The following EYA1 variants were observed in gnomAD, a reference collection of about 807,000 sequenced individuals.
The protein encoded by EYA1 is protein phosphatase EYA1.
EYA1 carries 16 observed loss-of-function variants against 82.0 expected under a neutral mutation model. That is an observed-to-expected ratio of 0.20 (90% CI 0.13 to 0.30). EYA1 has a LOEUF of 0.30. EYA1 is among the 10% of genes least tolerant of loss of function. EYA1 has a pLI of 1.00. For missense variants in EYA1, 633 were observed against 730.7 expected (o/e 0.87, Z 1.54); for synonymous variants, 261 against 264.4 (o/e 0.99, Z 0.12).
chr8:71,484,897 C>T (rs556637488), intron 2 of EYA1, among the ~76,000 whole-genome samples: 1 of 152,308 alleles, frequency 6.6e-6, no homozygotes, highest in East Asian at 1.9e-4. Flanking sequence ...GGGTAGGGAA[C>T]AGCTGCTGTT....
At chr8:71,377,273 C>A (rs1332358655) in intron 2 of EYA1, among the ~76,000 whole-genome samples, 1 of 152,094 alleles carries the variant, frequency 6.6e-6, no homozygotes, top group Admixed American at 6.5e-5. Flanking sequence ...ACCAGCCATC[C>A]CACCAAGGTA....
At position 71,357,185 on chromosome 8, in the gene EYA1, T is replaced by C. The variant is rs189263850; in HGVS notation, c.-54-674A>G. On this transcript the variant is annotated intron_variant, in intron 1 of 17. Coordinates refer to ENST00000340726, the MANE Select transcript of EYA1 (RefSeq NM_000503.6). ...CCTCGCCAATTTAAAATTCAATGGG[T>C]TCTTATCAGTTCTGCCTGGTAAACC... Among the ~76,000 whole-genome samples the C allele has an allele frequency of 2.1e-3, 322 of 152,322 alleles. 3 individuals carry two copies. The highest frequency in any genetic ancestry group is 6.2e-4 in the Non-Finnish European group (42 of 68,032).
chr8:71,435,145 A>C (rs1805910591), intron 2 of EYA1, among the ~76,000 whole-genome samples: 1 of 152,106 alleles, frequency 6.6e-6, no homozygotes, highest in Admixed American at 6.6e-5. Flanking sequence ...AAACCTTCTT[A>C]GATTTCTCCA....
At chr8:71,202,474 A>G (rs970053298) in intron 17 of EYA1, among the ~76,000 whole-genome samples, 7 of 152,204 alleles carry the variant, frequency 4.6e-5, no homozygotes, top group South Asian at 2.1e-4. Flanking sequence ...TACTGGCACT[A>G]AAATACGAAT....
chr8:71,462,100 C>T (rs1055849126), intron 2 of EYA1, among the ~76,000 whole-genome samples: 1 of 152,218 alleles, frequency 6.6e-6, no homozygotes, highest in Non-Finnish European at 1.5e-5. Context: ...CCTTCAGGCC[C>T]TCCCTGGCCT....
Position 71,199,263 on chromosome 8 carries a change from G to A in EYA1, c.*77C>T, listed in dbSNP as rs562087599. 25 of 1,074,124 alleles carry A rather than the reference G, an allele frequency of 2.3e-5. No homozygotes were observed. In the East Asian group the frequency reaches 3.1e-4, roughly 13 times the overall value. 66.5% of individuals were successfully genotyped at this position (1,074,124 alleles called of 1,614,324 possible). ...AAATTGCTAAGTTCTGGAGGCCGGC[G>A]CTGATGCGAGACTGGGGCCTGCTGG... On this transcript the variant is annotated 3_prime_UTR_variant, in exon 18 of 18. Transcript: ENST00000340726.
At chr8:71,246,860 C>T (rs1318778490) in intron 11 of EYA1, among the ~76,000 whole-genome samples, 2 of 152,090 alleles carry the variant, frequency 1.3e-5, no homozygotes, top group East Asian at 1.9e-4. Flanking sequence ...TGGAGGTCAA[C>T]CCAACCCAAC....
At chr8:71,339,970 T>C (rs1399448366) in intron 3 of EYA1, among the ~76,000 whole-genome samples, 1 of 152,196 alleles carries the variant, frequency 6.6e-6, no homozygotes, top group Non-Finnish European at 1.5e-5. Flanking sequence ...CACTCTATAA[T>C]TTCCACCACT....
intron 3 of EYA1, among the ~76,000 whole-genome samples, chr8:71,353,520 A>G (rs553716012): frequency 1.3e-5 from 2 of 152,376 alleles, no homozygotes; most frequent in South Asian, 4.1e-4. Flanking sequence ...ACCCATTTTC[A>G]TAAACACTTG....
In EYA1 at chr8:71,247,988, G is replaced by A. The variant is rs185051101; in HGVS notation, c.1051-3296C>T. On this transcript the variant is annotated intron_variant, in intron 11 of 17. Transcript: ENST00000340726. ...AAAAAGTATTATTTCTCCTTGATAC[G>A]GTTGCTTATTTATATGACCATTGAA... 1.9e-4 allele frequency among the ~76,000 whole-genome samples: 29 copies of A among 152,056 alleles called. No individual in the cohort carries two copies. The East Asian group carries it at 1.9e-3, about 10-fold the overall frequency.
At chr8:71,352,898 G>C (rs960024374) in intron 3 of EYA1, among the ~76,000 whole-genome samples, 6 of 152,290 alleles carry the variant, frequency 3.9e-5, no homozygotes, top group Admixed American at 1.3e-4. Context: ...CTCTGTTTCA[G>C]TACTGCATGG....
At chr8:71,289,428 G>A (rs1818758085) in intron 9 of EYA1, among the ~76,000 whole-genome samples, 1 of 152,176 alleles carries the variant, frequency 6.6e-6, no homozygotes, top group African/African-American at 2.4e-5. Flanking sequence ...TTAACACATA[G>A]TTAACTGAAT....
At chr8:71,475,174 G>A (rs1465363333) in intron 2 of EYA1, among the ~76,000 whole-genome samples, 1 of 152,146 alleles carries the variant, frequency 6.6e-6, no homozygotes, top group Non-Finnish European at 1.5e-5. Flanking sequence ...ATATTCATGT[G>A]TTAACATGGA....
chr8:71,366,322 C>T (rs78518702), upstream of EYA1, among the ~76,000 whole-genome samples: 567 of 152,214 alleles, frequency 3.7e-3, 5 homozygotes, highest in African/African-American at 0.013. Flanking sequence ...TCCAAAATGG[C>T]AAACCATTAC....
intron 14 of EYA1, 101 bp from the exon 15 acceptor site, chr8:71,215,829 C>CTTTTT (rs1809126265): frequency 1.3e-6 from 1 of 759,960 alleles, no homozygotes; most frequent in Admixed American, 2.0e-5. Context: ...TACCAGCCTC[C>CTTTTT]AGATTTATAG....
chr8:71,461,240 G>A (rs1169509960), intron 2 of EYA1, among the ~76,000 whole-genome samples: 2 of 152,124 alleles, frequency 1.3e-5, no homozygotes, highest in East Asian at 1.9e-4. Flanking sequence ...AACTTGGTCT[G>A]GTAGGCTGCA....
intron 11 of EYA1, among the ~76,000 whole-genome samples, chr8:71,248,027 T>C (rs1585986884): frequency 6.6e-6 from 1 of 152,374 alleles, no homozygotes; most frequent in Middle Eastern, 3.4e-3. Flanking sequence ...ATTACTCTAT[T>C]GTTCGTTAAT....
intron 12 of EYA1, among the ~76,000 whole-genome samples, chr8:71,238,369 T>C (rs1204547472): frequency 6.6e-6 from 1 of 152,176 alleles, no homozygotes; most frequent in African/African-American, 2.4e-5. Flanking sequence ...TCATTTCCCA[T>C]GTTTTGTCAA....
chr8:71,293,102 A>G (rs1024022400), intron 9 of EYA1, among the ~76,000 whole-genome samples: 4 of 152,156 alleles, frequency 2.6e-5, no homozygotes, highest in Non-Finnish European at 5.9e-5. Flanking sequence ...AATGAAAGAC[A>G]GCCATCATTA....
Sources: gnomAD v4.1 joint callset for allele counts (sites outside exome capture counted in the v4.1 genomes callset) on GRCh38, gnomAD v4.1.1 for gene constraint, MANE v1.5 for transcripts, NCBI Gene and HGNC (gene_info 2026-07-23, HGNC 2026-07-21) for gene names.